The following NR1I2 variants were observed in gnomAD, a reference collection of about 807,000 sequenced individuals.
The protein encoded by NR1I2 is nuclear receptor subfamily 1 group I member 2, also known as orphan nuclear receptor PAR1.
Under a neutral mutation model 43.3 loss-of-function variants are expected in NR1I2, and 42 were observed. That is an observed-to-expected ratio of 0.97 (90% CI 0.76 to 1.26). The LOEUF (loss-of-function observed/expected upper bound fraction) is 1.26. NR1I2 is among the 50% of genes most tolerant of loss of function. The pLI, the probability that NR1I2 is intolerant of heterozygous loss-of-function variation, is 0.00. For synonymous variants in NR1I2, 229 were observed against 215.0 expected (o/e 1.06, Z -0.57); for missense variants, 559 against 566.7 (o/e 0.99, Z 0.14).
Position 119,815,846 on chromosome 3 carries a change from G to C in NR1I2, c.1160+15G>C. ...CCTGCTCATAGGTGAGCACAGCAGG[G>C]GGTGAGGACCCGTGAGGGTGATGTG... On this transcript the variant is annotated intron_variant, in intron 8 of 8. Coordinates refer to ENST00000393716, the MANE Select transcript of NR1I2 (RefSeq NM_003889.4). The C allele has an allele frequency of 6.3e-7, 1 of 1,589,372 alleles. No individual in the cohort carries two copies. Among genetic ancestry groups the C allele is most frequent in the Non-Finnish European group, 8.6e-7 (1 of 1,164,842 alleles).
Position 119,792,347 on chromosome 3 carries a change from G to A in NR1I2, c.-23+10047G>A, listed in dbSNP as rs1030697335. 5 of 1,418,950 alleles carry A rather than the reference G, an allele frequency of 3.5e-6. No individual in the cohort carries two copies. The African/African-American group carries it at 4.2e-5, about 12-fold the overall frequency. 87.9% of individuals were successfully genotyped at this position (1,418,950 alleles called of 1,614,324 possible). A position where few individuals can be genotyped will look rare whatever the true frequency, so the allele number is the denominator to read the frequency against. On this transcript the variant is annotated intron_variant, in intron 1 of 8. Coordinates refer to ENST00000393716, the MANE Select transcript of NR1I2 (RefSeq NM_003889.4). ...TGTCTTTGACACATCTGACCTTCAG[G>A]AAGGAGTTCACAGAAGCAGTGGAAG...
chr3:119,795,375 C>G (rs1276027020), intron 1 of NR1I2, among the ~76,000 whole-genome samples: 2 of 152,212 alleles, frequency 1.3e-5, no homozygotes, highest in Admixed American at 1.3e-4. Flanking sequence ...CCTTCAGTCT[C>G]CTGCTCTGCT....
At chr3:119,789,171 C>T (rs2107947129) in intron 1 of NR1I2, among the ~76,000 whole-genome samples, 1 of 152,280 alleles carries the variant, frequency 6.6e-6, no homozygotes, top group Non-Finnish European at 1.5e-5. Flanking sequence ...AGGGCCCTGA[C>T]CTCCTAGAGA....
intron 8 of NR1I2, among the ~76,000 whole-genome samples, chr3:119,816,826 A>T (rs2055336093): frequency 8.7e-6 from 1 of 114,398 alleles, no homozygotes. Flanking sequence ...GTCCCTTTAA[A>T]GAAAAAAAAA....
chr3:119,786,576 G>A (rs1003485690), intron 1 of NR1I2, among the ~76,000 whole-genome samples: 2 of 152,194 alleles, frequency 1.3e-5, no homozygotes, highest in African/African-American at 4.8e-5. Context: ...ATAAGACATA[G>A]GCAGTTAACT....
chr3:119,794,182 T>C (rs2054961803), intron 1 of NR1I2, among the ~76,000 whole-genome samples: 1 of 151,682 alleles, frequency 6.6e-6, no homozygotes, highest in African/African-American at 2.4e-5. Flanking sequence ...GCTGAGTTTT[T>C]TTGTTTGTTT....
intron 1 of NR1I2, among the ~76,000 whole-genome samples, chr3:119,799,951 A>G (rs868769904): frequency 1.9e-4 from 29 of 151,838 alleles, no homozygotes; most frequent in Admixed American, 6.6e-5. Flanking sequence ...GCGTGATGAG[A>G]CTTTGTCTCA....
chr3:119,791,546 A>T (rs1488363352), intron 1 of NR1I2, among the ~76,000 whole-genome samples: 1 of 152,214 alleles, frequency 6.6e-6, no homozygotes, highest in East Asian at 1.9e-4. Flanking sequence ...CCTAAAAAAA[A>T]GTTACTTGAT....
At chr3:119,811,776 C>T in intron 4 of NR1I2, 50 bp downstream of exon 4, 1 of 1,513,556 alleles carries the variant, frequency 6.6e-7, no homozygotes, top group Non-Finnish European at 9.0e-7. Context: ...TCTTCATTCT[C>T]ACATAGAAAC....
intron 1 of NR1I2, among the ~76,000 whole-genome samples, chr3:119,803,329 C>CT (rs11389476): frequency 0.28 from 40,212 of 142,008 alleles, 6,547 homozygotes; most frequent in Admixed American, 0.42. Flanking sequence ...TCTTTTCTTT[C>CT]TTTTTTTTTT....
At chr3:119,794,168 C>A (rs1012392665) in intron 1 of NR1I2, among the ~76,000 whole-genome samples, 1 of 151,908 alleles carries the variant, frequency 6.6e-6, no homozygotes, top group African/African-American at 2.4e-5. Context: ...CACCAACATG[C>A]CTGGCTGAGT....
At chr3:119,812,572 C>T in intron 4 of NR1I2, 114 bp from the exon 5 acceptor site, 2 of 1,180,012 alleles carry the variant, frequency 1.7e-6, no homozygotes, top group Non-Finnish European at 2.5e-6. Context: ...TGCATTTGTG[C>T]ATCCTCTCGA....
chr3:119,815,855 C>G, intron 8 of NR1I2, 24 bp downstream of exon 8: 1 of 1,565,848 alleles, frequency 6.4e-7, no homozygotes, highest in Non-Finnish European at 8.7e-7. Flanking sequence ...GGGGTGAGGA[C>G]CCGTGAGGGT....
chr3:119,785,381 C>G (rs2054830961), intron 1 of NR1I2, among the ~76,000 whole-genome samples: 1 of 152,222 alleles, frequency 6.6e-6, no homozygotes, highest in East Asian at 1.9e-4. Context: ...CCACCATAAG[C>G]TTGGGGTCTA....
At chr3:119,814,044 C>T (rs549652507) in intron 5 of NR1I2, among the ~76,000 whole-genome samples, 1 of 152,276 alleles carries the variant, frequency 6.6e-6, no homozygotes, top group Non-Finnish European at 1.5e-5. Context: ...ATGCCAGGTC[C>T]TAAGCTGGGC....
intron 1 of NR1I2, among the ~76,000 whole-genome samples, chr3:119,796,619 CT>C (rs2055003318): frequency 6.6e-6 from 1 of 152,208 alleles, no homozygotes; most frequent in Non-Finnish European, 1.5e-5. Flanking sequence ...TCAAATTCTC[CT>C]CCATTGCTAT....
chr3:119,817,021 G>C (rs911260173), intron 8 of NR1I2, 47 bp from the exon 9 acceptor site: 2 of 1,613,214 alleles, frequency 1.2e-6, no homozygotes, highest in Non-Finnish European at 1.7e-6. Context: ...GAGGCTTGTG[G>C]GTCAGGGCGG....
At chr3:119,799,605 AC>A (rs1232884851) in intron 1 of NR1I2, among the ~76,000 whole-genome samples, 1 of 152,212 alleles carries the variant, frequency 6.6e-6, no homozygotes, top group African/African-American at 2.4e-5. Context: ...ACAAAAAAAA[AC>A]TTTTAAAAGA....
chr3:119,788,890 G>T (rs1235980087), intron 1 of NR1I2, among the ~76,000 whole-genome samples: 2 of 152,132 alleles, frequency 1.3e-5, no homozygotes, highest in Admixed American at 6.6e-5. Flanking sequence ...TTTTCTGTCT[G>T]GTTAGTTGGA....
Sources: allele counts gnomAD v4.1 joint callset (sites outside exome capture counted in the v4.1 genomes callset), GRCh38; gene constraint gnomAD v4.1.1; transcripts MANE v1.5; gene names NCBI Gene and HGNC (gene_info 2026-07-23, HGNC 2026-07-21).